The following ABR variants were observed in gnomAD, a reference collection of about 807,000 sequenced individuals.
ABR encodes the protein active breakpoint cluster region-related protein.
ABR carries 35 observed loss-of-function variants against 107.2 expected under a neutral mutation model. The ratio of observed to expected loss-of-function variants is 0.33; its 90% CI spans 0.25 to 0.43. ABR has a LOEUF of 0.43. Among genes scored for constraint, ABR ranks in the 20% least tolerant of loss-of-function variants. The pLI is 1.00. For missense variants in ABR, 815 were observed against 1,115.2 expected (o/e 0.73, Z 3.83); for synonymous variants, 498 against 462.0 (o/e 1.08, Z -1.00).
intron 2 of ABR, among the ~76,000 whole-genome samples, chr17:1,114,485 A>T (rs1264446449): frequency 1.3e-5 from 2 of 149,498 alleles, no homozygotes; most frequent in African/African-American, 5.0e-5. Flanking sequence ...AAAAAAAAAA[A>T]ATTATGGCCG....
chr17:1,215,696 A>G (rs2042988164), intron 1 of ABR, among the ~76,000 whole-genome samples: 1 of 152,168 alleles, frequency 6.6e-6, no homozygotes, highest in African/African-American at 2.4e-5. Flanking sequence ...CTCATTGAGA[A>G]CGGGCCATGA....
At chr17:1,193,867 T>C (rs1598103516) in intron 1 of ABR, among the ~76,000 whole-genome samples, 1 of 151,916 alleles carries the variant, frequency 6.6e-6, no homozygotes, top group Non-Finnish European at 1.5e-5. Flanking sequence ...ATTTTTTTTT[T>C]GTATTTTTAA....
chr17:1,084,390 A>C lies in ABR; in HGVS notation c.532-763T>G, dbSNP rs1039552041. On this transcript the variant is annotated intron_variant, in intron 4 of 22. Coordinates refer to ENST00000302538, the MANE Select transcript of ABR (RefSeq NM_021962.5). The surrounding 1 kb of genome is among the most constrained non-coding windows in gnomAD (Gnocchi z 4.2). Reference sequence around the variant, plus strand: ...AGACTCCGTCTCAAAAAGAAAACAAAACAACAAATGAAGATGCTGTCTTTC... The same window carrying C: ...AGACTCCGTCTCAAAAAGAAAACAACACAACAAATGAAGATGCTGTCTTTC... Among the ~76,000 whole-genome samples the C allele has an allele frequency of 2.0e-5, 3 of 152,144 alleles. No individual in the cohort carries two copies. The highest frequency in any genetic ancestry group is 7.2e-5 in the African/African-American group (3 of 41,446).
intron 1 of ABR, among the ~76,000 whole-genome samples, chr17:1,227,857 C>A (rs2043250421): frequency 6.6e-6 from 1 of 152,150 alleles, no homozygotes; most frequent in African/African-American, 2.4e-5. Flanking sequence ...GCTCGGTGGA[C>A]GCTCAATTCC....
At chr17:1,028,940 A>G (rs2663317) in intron 16 of ABR, among the ~76,000 whole-genome samples, 127,814 of 150,214 alleles carry the variant, frequency 0.85, 54,537 homozygotes, top group East Asian at 0.98. Flanking sequence ...CTGCGGGGGC[A>G]GGGTGGGGGG....
At chr17:1,213,216 G>A (rs2150743598) in intron 1 of ABR, among the ~76,000 whole-genome samples, 1 of 152,288 alleles carries the variant, frequency 6.6e-6, no homozygotes, top group African/African-American at 2.4e-5. Flanking sequence ...GAGATGTGAA[G>A]CTGCAGATTC....
chr17:1,156,689 GAAAA>G (rs917512608), intron 1 of ABR, among the ~76,000 whole-genome samples: 1 of 141,026 alleles, frequency 7.1e-6, no homozygotes, highest in African/African-American at 2.6e-5. Context: ...GTCTCAAAAA[GAAAA>G]AAAAAAAGCT....
intron 1 of ABR, among the ~76,000 whole-genome samples, chr17:1,170,735 C>T (rs899395212): frequency 2.6e-5 from 4 of 152,124 alleles, no homozygotes; most frequent in African/African-American, 9.7e-5. Context: ...CGTGCCTGGC[C>T]TGTCTCTTCC....
chr17:1,129,934 G>A (rs2039753972), intron 1 of ABR, among the ~76,000 whole-genome samples: 1 of 152,168 alleles, frequency 6.6e-6, no homozygotes, highest in South Asian at 2.1e-4. Context: ...GTGACAGAGT[G>A]AGACTCTGTC....
rs140705810 is a variant in ABR at position 1,064,612 on chromosome 17, C to T, written c.1182+2465G>A. Among the ~76,000 whole-genome samples, 686 of 118,566 alleles carry T rather than the reference C, an allele frequency of 5.8e-3. 75 individuals are homozygous for T. The highest frequency in any genetic ancestry group is 0.02 in the African/African-American group (627 of 30,878). 77.8% of individuals were successfully genotyped at this position (118,566 alleles called of 152,430 possible). A position where few individuals can be genotyped will look rare whatever the true frequency, so the allele number is the denominator to read the frequency against. On this transcript the variant is annotated intron_variant, in intron 10 of 22. Transcript: ENST00000302538. ...ATGTGAACTGAGGGCTATGTATGTT[C>T]CTCTAGACACTGTTGTTATGTGAAC... is the stretch of plus-strand genomic sequence containing the variant.
intron 1 of ABR, among the ~76,000 whole-genome samples, chr17:1,160,258 AC>A (rs2041235207): frequency 1.4e-5 from 2 of 143,490 alleles, no homozygotes; most frequent in East Asian, 4.1e-4. Flanking sequence ...TGTCTCAAAA[AC>A]AAAAAACAAT....
At chr17:1,018,399 C>G (rs562963513) in intron 16 of ABR, among the ~76,000 whole-genome samples, 1 of 152,216 alleles carries the variant, frequency 6.6e-6, no homozygotes, top group Admixed American at 6.5e-5. Flanking sequence ...GGGCGCAGTT[C>G]GATGTTTTGA....
chr17:1,107,996 A>G (rs2038372542), intron 2 of ABR, among the ~76,000 whole-genome samples: 1 of 152,188 alleles, frequency 6.6e-6, no homozygotes, highest in Non-Finnish European at 1.5e-5. Flanking sequence ...AGAGAGGTTC[A>G]GGGACAGCCT....
intron 1 of ABR, among the ~76,000 whole-genome samples, chr17:1,129,902 G>A (rs1490910422): frequency 6.6e-6 from 1 of 152,146 alleles, no homozygotes; most frequent in Non-Finnish European, 1.5e-5. Context: ...AGCTGAGATT[G>A]CACCATTGCA....
intron 1 of ABR, among the ~76,000 whole-genome samples, chr17:1,217,688 C>T (rs998297195): frequency 4.6e-5 from 7 of 152,088 alleles, no homozygotes; most frequent in African/African-American, 1.4e-4. Context: ...ACAGCGTGCT[C>T]TTATTTATTT....
chr17:1,037,826 C>T lies in ABR; in HGVS notation c.1791+12224G>A, dbSNP rs2073311779. 6.6e-6 allele frequency among the ~76,000 whole-genome samples: 1 copy of T among 152,128 alleles called. No individual in the cohort carries two copies. The highest frequency in any genetic ancestry group is 1.5e-5 in the Non-Finnish European group (1 of 68,014). ...ACCTCCCTTCCACCCAAGCTCCGAG[C>T]TCATGGTGGCCAGAAGCAAAGCCCT... On this transcript the variant is annotated intron_variant, in intron 16 of 22. Coordinates refer to ENST00000302538, the MANE Select transcript of ABR (RefSeq NM_021962.5). The surrounding 1 kb of genome is among the most constrained non-coding windows in gnomAD (Gnocchi z 4.6).
intron 2 of ABR, among the ~76,000 whole-genome samples, chr17:1,113,277 G>GGGT (rs1416563541): frequency 1.1e-5 from 1 of 88,172 alleles, no homozygotes; most frequent in South Asian, 3.7e-4. Context: ...CACCTATTGC[G>GGGT]ATTTTTTTTT....
chr17:1,060,791 G>C (rs1186167896), intron 10 of ABR, among the ~76,000 whole-genome samples: 2 of 152,042 alleles, frequency 1.3e-5, no homozygotes, highest in Non-Finnish European at 1.5e-5. Context: ...AGGAGTTTGA[G>C]ACCAGCCTGG....
At position 1,010,212 on chromosome 17, in the gene ABR, C is replaced by T. The variant is rs1282299698; in HGVS notation, c.2237-428G>A. The T allele has an allele frequency of 8.3e-6, 2 of 241,180 alleles. No individual in the cohort carries two copies. The highest frequency in any genetic ancestry group is 9.8e-5 in the Admixed American group (2 of 20,364). The allele number at this position is 241,180 out of a possible 1,614,324, so 14.9% of individuals were successfully genotyped here. A position where few individuals can be genotyped will look rare whatever the true frequency, so the allele number is the denominator to read the frequency against. On this transcript the variant is annotated intron_variant, in intron 20 of 22. Coordinates refer to ENST00000302538, the MANE Select transcript of ABR (RefSeq NM_021962.5). This position sits in a 1 kb window ranked among gnomAD's most constrained non-coding sequence, Gnocchi z 4.1. ...CTTCCGTGGGGGCTGAAGCTCCAGT[C>T]TGCCCCAGGAGCAGAGAAGGCTGAA...
Sources: allele counts gnomAD v4.1 joint callset (sites outside exome capture counted in the v4.1 genomes callset), GRCh38; gene constraint gnomAD v4.1.1; non-coding constraint Gnocchi (gnomAD v3.1); transcripts MANE v1.5; gene names NCBI Gene and HGNC (gene_info 2026-07-23, HGNC 2026-07-21).